Variants in SGCZ observed in about 807,000 individuals in gnomAD.
The protein encoded by SGCZ is sarcoglycan zeta, also known as zeta-sarcoglycan.
SGCZ carries 40 observed loss-of-function variants against 41.3 expected under a neutral mutation model. The ratio of observed to expected loss-of-function variants is 0.97; its 90% confidence interval spans 0.75 to 1.26. SGCZ has a LOEUF of 1.26. Ranked by LOEUF, SGCZ falls within the 50% of genes most tolerant of loss-of-function variation. The pLI, the probability that SGCZ is intolerant of heterozygous loss-of-function variation, is 0.00. For synonymous variants in SGCZ, 206 were observed against 137.5 expected (o/e 1.50, Z -3.49); for missense variants, 552 against 369.8 (o/e 1.49, Z -4.04).
At chr8:15,226,905 A>T (rs542162041) in intron 1 of SGCZ, among the ~76,000 whole-genome samples, 14 of 152,340 alleles carry the variant, frequency 9.2e-5, no homozygotes, top group Non-Finnish European at 1.3e-4. Flanking sequence ...GGATAAGTAG[A>T]GAACGATCTT....
At chr8:15,083,402 T>G (rs1367141340) in intron 1 of SGCZ, among the ~76,000 whole-genome samples, 1 of 152,218 alleles carries the variant, frequency 6.6e-6, no homozygotes, top group African/African-American at 2.4e-5. Context: ...AAACAAAATA[T>G]CTAAGGTAAA....
rs528874552 is a variant in SGCZ at position 14,230,573 on chromosome 8, T to C, written c.424+7019A>G. 1.7e-3 allele frequency among the ~76,000 whole-genome samples: 261 copies of C among 152,164 alleles called. 1 individual carries two copies. The highest frequency in any genetic ancestry group is 6.0e-3 in the African/African-American group (250 of 41,536). On this transcript the variant is annotated intron_variant, in intron 4 of 7. Coordinates refer to ENST00000382080, the MANE Select transcript of SGCZ (RefSeq NM_139167.4). ...CATTAATTGGTGAAGTATACGTCCT[T>C]CCTAAAAATAGTTTCTGAAGATATC... is the stretch of plus-strand genomic sequence containing the variant.
intron 1 of SGCZ, among the ~76,000 whole-genome samples, chr8:14,603,235 A>G (rs1563145845): frequency 6.6e-6 from 1 of 152,218 alleles, no homozygotes; most frequent in Non-Finnish European, 1.5e-5. Context: ...CTTGAAAATT[A>G]AAGTCACTCA....
intron 1 of SGCZ, among the ~76,000 whole-genome samples, chr8:14,655,763 A>G (rs932746644): frequency 1.3e-5 from 2 of 152,098 alleles, no homozygotes; most frequent in East Asian, 3.9e-4. Flanking sequence ...TTATAGCCTC[A>G]TCCAATCCCT....
intron 2 of SGCZ, among the ~76,000 whole-genome samples, chr8:14,536,597 C>A (rs903515409): frequency 6.6e-6 from 1 of 151,690 alleles, no homozygotes; most frequent in Non-Finnish European, 1.5e-5. Context: ...AACTGAAAAT[C>A]TCCAAAAAGG....
chr8:14,922,575 C>T (rs1295458753), intron 1 of SGCZ, among the ~76,000 whole-genome samples: 2 of 152,152 alleles, frequency 1.3e-5, no homozygotes, highest in East Asian at 3.9e-4. Context: ...CTGCCTCAGC[C>T]TCCCAGGCTA....
At chr8:14,381,550 A>G (rs1342030464) in intron 2 of SGCZ, among the ~76,000 whole-genome samples, 3 of 152,006 alleles carry the variant, frequency 2.0e-5, no homozygotes, top group Non-Finnish European at 2.9e-5. Context: ...TCAACCAGGC[A>G]GATCGCTTGA....
At chr8:14,128,182 C>G (rs1259280693) in intron 5 of SGCZ, among the ~76,000 whole-genome samples, 2 of 152,146 alleles carry the variant, frequency 1.3e-5, no homozygotes, top group Admixed American at 6.6e-5. Flanking sequence ...TGCTTCGATT[C>G]TACCACCATT....
Position 14,307,814 on chromosome 8 carries a change from T to C in SGCZ, c.336+16289A>G, listed in dbSNP as rs535142204. 5.3e-4 allele frequency among the ~76,000 whole-genome samples: 81 copies of C among 152,262 alleles called. 2 individuals are homozygous for C. In the South Asian group the frequency reaches 0.016, roughly 30 times the overall value. ...AAGCAAGGGCAAGAAAAAGAGGTCATAGGCAAGATGGCAAGGGTGATTTAG... is the reference window on the plus strand; with the variant it reads ...AAGCAAGGGCAAGAAAAAGAGGTCACAGGCAAGATGGCAAGGGTGATTTAG... On this transcript the variant is annotated intron_variant, in intron 3 of 7. Transcript: ENST00000382080.
At chr8:14,459,512 G>A (rs1372724776) in intron 2 of SGCZ, among the ~76,000 whole-genome samples, 2 of 152,244 alleles carry the variant, frequency 1.3e-5, no homozygotes, top group East Asian at 3.9e-4. Context: ...CGTTAATGCA[G>A]GCAAGATCTA....
chr8:14,725,762 C>T (rs1301771135), intron 1 of SGCZ, among the ~76,000 whole-genome samples: 1 of 152,050 alleles, frequency 6.6e-6, no homozygotes, highest in Non-Finnish European at 1.5e-5. Flanking sequence ...ATGAACAACT[C>T]ACAGAACACC....
intron 1 of SGCZ, among the ~76,000 whole-genome samples, chr8:14,845,917 T>A (rs894984633): frequency 6.6e-6 from 1 of 152,126 alleles, no homozygotes; most frequent in African/African-American, 2.4e-5. Context: ...GACGAAGTGG[T>A]CCTCAAAGAA....
chr8:14,401,139 G>C (rs1551816), intron 2 of SGCZ, among the ~76,000 whole-genome samples: 67,297 of 151,908 alleles, frequency 0.44, 16,410 homozygotes, highest in African/African-American at 0.66. Flanking sequence ...AGGCAACTTT[G>C]CTAGATTAAT....
intron 1 of SGCZ, among the ~76,000 whole-genome samples, chr8:14,805,817 C>T (rs1307139164): frequency 6.6e-6 from 1 of 151,340 alleles, no homozygotes; most frequent in Non-Finnish European, 1.5e-5. Flanking sequence ...CAAAATTGAC[C>T]ACATAGTTGG....
At chr8:14,437,445 C>G (rs944941752) in intron 2 of SGCZ, among the ~76,000 whole-genome samples, 1 of 152,062 alleles carries the variant, frequency 6.6e-6, no homozygotes, top group Non-Finnish European at 1.5e-5. Flanking sequence ...AATGTGTCAT[C>G]TATTAAGCAT....
intron 1 of SGCZ, among the ~76,000 whole-genome samples, chr8:14,863,935 T>A (rs1358627002): frequency 6.6e-6 from 1 of 152,148 alleles, no homozygotes; most frequent in Non-Finnish European, 1.5e-5. Flanking sequence ...TGACCAGAAC[T>A]TTGTTCGGTA....
rs150337042 is a variant in SGCZ at position 14,430,659 on chromosome 8, A to T, written c.235-106455T>A. ...TGAGACAAGGATGCCCACTCTCGCC[A>T]CTCCTCTTCAACACAGTACTTGAAG... On this transcript the variant is annotated intron_variant, in intron 2 of 7. Coordinates refer to ENST00000382080, the MANE Select transcript of SGCZ (RefSeq NM_139167.4). Among the ~76,000 whole-genome samples the T allele has an allele frequency of 1.7e-4, 26 of 152,156 alleles. No individual in the cohort carries two copies. The East Asian group carries it at 5.0e-3, about 29-fold the overall frequency.
chr8:15,006,587 A>T (rs2130919090), intron 1 of SGCZ, among the ~76,000 whole-genome samples: 1 of 152,308 alleles, frequency 6.6e-6, no homozygotes, highest in South Asian at 2.1e-4. Flanking sequence ...TGCTGCTCAA[A>T]AGTCCCCCAA....
intron 3 of SGCZ, among the ~76,000 whole-genome samples, chr8:14,269,574 T>G (rs1473979026): frequency 6.6e-6 from 1 of 152,126 alleles, no homozygotes; most frequent in African/African-American, 2.4e-5. Flanking sequence ...ACATTCAGCT[T>G]TCAACTTTCA....
Sources: allele counts gnomAD v4.1 joint callset (sites outside exome capture counted in the v4.1 genomes callset), GRCh38; gene constraint gnomAD v4.1.1; transcripts MANE v1.5; gene names NCBI Gene and HGNC (gene_info 2026-07-23, HGNC 2026-07-21).